DNM2: variants seen among roughly 807,000 people sequenced by gnomAD.
The protein encoded by DNM2 is dynamin-2.
Under a neutral mutation model 99.0 loss-of-function variants are expected in DNM2, and 15 were observed. The ratio of observed to expected loss-of-function variants is 0.15; its 90% CI spans 0.10 to 0.23. DNM2 has a LOEUF of 0.23. Ranked by LOEUF, DNM2 falls within the 10% of genes least tolerant of loss-of-function variation. The probability of loss-of-function intolerance (pLI) is 1.00; values close to 1 mark genes in which losing one functional copy is unlikely to be tolerated. For missense variants in DNM2, 742 were observed against 1,189.4 expected, an observed-to-expected ratio of 0.62 and a Z score of 5.53; for synonymous variants, 525 against 481.2, an observed-to-expected ratio of 1.09 and a Z score of -1.19.
chr19:10,749,846 G>A (rs1363319525), intron 1 of DNM2, among the ~76,000 whole-genome samples: 2 of 152,234 alleles, frequency 1.3e-5, no homozygotes, highest in African/African-American at 4.8e-5. Context: ...GTATTTGGGA[G>A]GGAGGGGCGC....
chr19:10,793,616 GA>G, intron 7 of DNM2, 103 bp from the exon 8 acceptor site: 1 of 1,608,072 alleles, frequency 6.2e-7, no homozygotes. Flanking sequence ...TTTTGCTGCT[GA>G]AAAATGGTAA....
At chr19:10,788,613 T>C (rs960798176) in intron 7 of DNM2, among the ~76,000 whole-genome samples, 2 of 152,192 alleles carry the variant, frequency 1.3e-5, no homozygotes, top group Non-Finnish European at 2.9e-5. Flanking sequence ...TAGGTCCCTC[T>C]CCAGCTTGGC....
intron 8 of DNM2, among the ~76,000 whole-genome samples, 154 bp downstream of exon 8, chr19:10,794,009 A>G (rs1354707747): frequency 6.6e-6 from 1 of 152,164 alleles, no homozygotes; most frequent in East Asian, 1.9e-4. Context: ...AGGTGTCCCC[A>G]TGGGCTTCCT....
chr19:10,749,579 C>T (rs930020784), intron 1 of DNM2, among the ~76,000 whole-genome samples: 1 of 152,190 alleles, frequency 6.6e-6, no homozygotes, highest in Non-Finnish European at 1.5e-5. Flanking sequence ...AAGTCAGTGC[C>T]CAGAGAGGGG....
intron 17 of DNM2, chr19:10,824,835 T>G: frequency 3.2e-6 from 2 of 633,066 alleles, no homozygotes; most frequent in Non-Finnish European, 5.5e-6. Flanking sequence ...AAAACAACGT[T>G]CCAATGCCCA....
intron 19 of DNM2, 79 bp downstream of exon 19, chr19:10,829,347 G>A: frequency 6.5e-7 from 1 of 1,540,620 alleles, no homozygotes; most frequent in Non-Finnish European, 8.8e-7. Flanking sequence ...GCAGGGTCCT[G>A]GCAGGAAACA....
chr19:10,738,054 A>G (rs1273628569), intron 1 of DNM2, among the ~76,000 whole-genome samples: 1 of 152,126 alleles, frequency 6.6e-6, no homozygotes, highest in Non-Finnish European at 1.5e-5. Flanking sequence ...GGTTGCCACC[A>G]AGAGGAGTTA....
chr19:10,731,304 C>A (rs1252151315), intron 1 of DNM2, among the ~76,000 whole-genome samples: 1 of 152,038 alleles, frequency 6.6e-6, no homozygotes, highest in East Asian at 1.9e-4. Flanking sequence ...CAGCCAGGAT[C>A]CTGCAGCCAC....
intron 1 of DNM2, among the ~76,000 whole-genome samples, chr19:10,722,697 C>G (rs967505727): frequency 1.3e-5 from 2 of 151,736 alleles, no homozygotes; most frequent in East Asian, 3.9e-4. Flanking sequence ...ACCATCTCTG[C>G]TCACTGCAGC....
At chr19:10,781,057 G>A (rs2071353467) in intron 5 of DNM2, among the ~76,000 whole-genome samples, 1 of 150,210 alleles carries the variant, frequency 6.7e-6, no homozygotes, top group Non-Finnish European at 1.5e-5. Context: ...GTGTGATGGT[G>A]CACGTGCCTG....
At chr19:10,813,276 C>T (rs11672309) in intron 15 of DNM2, among the ~76,000 whole-genome samples, 2 of 152,190 alleles carry the variant, frequency 1.3e-5, no homozygotes, top group Admixed American at 6.5e-5. Context: ...TCGTTCACTG[C>T]GAGTGAGGGG....
At chr19:10,749,313 A>G (rs2070111001) in intron 1 of DNM2, among the ~76,000 whole-genome samples, 1 of 152,146 alleles carries the variant, frequency 6.6e-6, no homozygotes. Flanking sequence ...AACGGTAAAT[A>G]AACAGCCTGG....
chr19:10,732,288 C>T lies in DNM2; in HGVS notation c.161+13885C>T, dbSNP rs1263639615. The stretch of plus-strand genomic sequence containing the variant: ...GTTAAAGGAGTTATTCAACTGTTTA[C>T]TCGTTGTGGAGAAAAAAAAAAAAAA... On this transcript the variant is annotated intron_variant, in intron 1 of 20. Coordinates refer to ENST00000389253, the MANE Select transcript of DNM2 (RefSeq NM_001005361.3). Among the ~76,000 whole-genome samples, 6 of 129,414 alleles carry T rather than the reference C, an allele frequency of 4.6e-5. No individual in the cohort carries two copies. In the East Asian group the frequency reaches 9.8e-4, roughly 21 times the overall value. 84.9% of individuals were successfully genotyped at this position (129,414 alleles called of 152,430 possible).
In DNM2 at chr19:10,796,324, C is replaced by G. The variant is rs554498470; in HGVS notation, c.1196+885C>G. 6.9e-7 allele frequency: 1 copy of G among 1,458,426 alleles called. No homozygotes were observed. The highest frequency in any genetic ancestry group is 1.2e-5 in the South Asian group (1 of 86,452). 90.3% of individuals were successfully genotyped at this position (1,458,426 alleles called of 1,614,324 possible). On this transcript the variant is annotated intron_variant, in intron 9 of 20. Transcript: ENST00000389253. The surrounding 1 kb of genome is among the most constrained non-coding windows in gnomAD (Gnocchi z 5.6). ...TTTTCTCCCCATATCGCTTTGTGTC[C>G]GTGAACTTGGCCTCTCCCCAGAGGC...
chr19:10,799,008 T>C (rs904597805), intron 11 of DNM2, among the ~76,000 whole-genome samples: 1 of 152,178 alleles, frequency 6.6e-6, no homozygotes, highest in African/African-American at 2.4e-5. Flanking sequence ...GGAGGATTGC[T>C]TGAGCCCAGG....
chr19:10,823,923 A>C lies in DNM2; in HGVS notation c.1893+24A>C. On this transcript the variant is annotated intron_variant, in intron 17 of 20. Coordinates refer to ENST00000389253, the MANE Select transcript of DNM2 (RefSeq NM_001005361.3). ...AGGTGAGGAGCCGTCCTGCGCAGCCAGGCCCAGAGCCCCCACCTGGGAGAG... is the reference window on the plus strand; with the variant it reads ...AGGTGAGGAGCCGTCCTGCGCAGCCCGGCCCAGAGCCCCCACCTGGGAGAG... The C allele has an allele frequency of 1.9e-6, 3 of 1,609,452 alleles. 1 individual carries two copies. In the South Asian group the frequency reaches 3.3e-5, roughly 18 times the overall value.
intron 6 of DNM2, 124 bp from the exon 7 acceptor site, chr19:10,786,440 C>T (rs780070004): frequency 2.1e-6 from 3 of 1,428,560 alleles, no homozygotes; most frequent in Non-Finnish European, 2.9e-6. Context: ...TCTCTCAAGG[C>T]TGTGTGGTGT....
At chr19:10,800,159 G>A (rs1358471487) in intron 11 of DNM2, among the ~76,000 whole-genome samples, 2 of 152,166 alleles carry the variant, frequency 1.3e-5, no homozygotes, top group African/African-American at 2.4e-5. Context: ...TCCCAGATCT[G>A]TTTTGAGTCA....
chr19:10,779,231 A>G (rs1450022232), intron 5 of DNM2, among the ~76,000 whole-genome samples: 2 of 151,212 alleles, frequency 1.3e-5, no homozygotes, highest in African/African-American at 4.9e-5. Flanking sequence ...AAAAAAAAAG[A>G]AAAATTTTTC....
Sources: gnomAD v4.1 joint callset for allele counts (sites outside exome capture counted in the v4.1 genomes callset) on GRCh38, gnomAD v4.1.1 for gene constraint, Gnocchi (gnomAD v3.1) non-coding constraint, MANE v1.5 for transcripts, NCBI Gene and HGNC (gene_info 2026-07-23, HGNC 2026-07-21) for gene names.